Variants in NBAS observed in about 807,000 individuals in gnomAD.
The protein encoded by NBAS is NBAS subunit of NRZ tethering complex, also known as NAG/BC035112 fusion.
NBAS carries 219 observed loss-of-function variants against 302.5 expected under a neutral mutation model. That is an observed-to-expected ratio of 0.72 (90% CI 0.65 to 0.81). The LOEUF is 0.81. Ranked by LOEUF, NBAS falls within the 30% of genes least tolerant of loss-of-function variation. The pLI, the probability that NBAS is intolerant of heterozygous loss-of-function variation, is 0.00. For synonymous variants in NBAS, 1,118 were observed against 1,021.6 expected (o/e 1.09, Z -1.80); for missense variants, 2,932 against 2,841.6 (o/e 1.03, Z -0.72).
At chr2:14,848,117 G>A in the NBAS span, among the ~76,000 whole-genome samples, 2 of 151,742 alleles carry the variant, frequency 1.3e-5, no homozygotes, top group Non-Finnish European at 2.9e-5. Context: ...ACAGCTCCCA[G>A]CGTGAGCGAC....
At chr2:15,275,194 G>A (rs1669516342) in intron 44 of NBAS, among the ~76,000 whole-genome samples, 1 of 152,130 alleles carries the variant, frequency 6.6e-6, no homozygotes, top group Non-Finnish European at 1.5e-5. Flanking sequence ...CAACTGGAAA[G>A]AACAGAATGG....
At chr2:14,818,449 C>G in the NBAS span, among the ~76,000 whole-genome samples, 2 of 152,162 alleles carry the variant, frequency 1.3e-5, no homozygotes, top group African/African-American at 4.8e-5. Flanking sequence ...AACACAGATT[C>G]AAGGCAAATA....
the NBAS span, among the ~76,000 whole-genome samples, chr2:14,819,088 A>C: frequency 2.0e-5 from 3 of 152,150 alleles, no homozygotes; most frequent in African/African-American, 7.2e-5. Context: ...TCTTGCCCTG[A>C]GCTGATTGTT....
chr2:14,929,528 C>T, the NBAS span, among the ~76,000 whole-genome samples: 1 of 152,146 alleles, frequency 6.6e-6, no homozygotes, highest in South Asian at 2.1e-4. Context: ...CAGGCGTGCG[C>T]CACCACACCC....
At chr2:14,989,513 G>A in the NBAS span, among the ~76,000 whole-genome samples, 88 of 151,894 alleles carry the variant, frequency 5.8e-4, no homozygotes, top group East Asian at 2.1e-3. Flanking sequence ...AGCTGAGATC[G>A]CAGCACTGCA....
the NBAS span, among the ~76,000 whole-genome samples, chr2:14,856,945 C>A: frequency 6.6e-6 from 1 of 152,028 alleles, no homozygotes; most frequent in Non-Finnish European, 1.5e-5. Context: ...CACAAGAAAA[C>A]TATGAGAAAT....
At chr2:15,414,289 A>C (rs543506468) in intron 25 of NBAS, among the ~76,000 whole-genome samples, 1 of 152,318 alleles carries the variant, frequency 6.6e-6, no homozygotes, top group Admixed American at 6.5e-5. Flanking sequence ...ATCTTACCAG[A>C]CACTACTAAT....
rs372208799 is a variant in NBAS at position 15,402,140 on chromosome 2, A to G, written c.3071+28T>C. 51 of 1,612,624 alleles carry G rather than the reference A, an allele frequency of 3.2e-5. 1 individual carries two copies. The highest frequency in any genetic ancestry group is 2.0e-4 in the South Asian group (18 of 91,014). On this transcript the variant is annotated intron_variant, in intron 26 of 51. Coordinates refer to ENST00000281513, the MANE Select transcript of NBAS (RefSeq NM_015909.4). ...TTAACTGTTAGAATAAAAAAACACAATAAGACTGGCATACTGTGTATTCTT... is the reference window on the plus strand; with the variant it reads ...TTAACTGTTAGAATAAAAAAACACAGTAAGACTGGCATACTGTGTATTCTT...
At chr2:15,057,632 C>T in the NBAS span, among the ~76,000 whole-genome samples, 3 of 152,134 alleles carry the variant, frequency 2.0e-5, no homozygotes, top group African/African-American at 4.8e-5. Context: ...TATGCCTTTG[C>T]GTCCTCATAG....
chr2:15,383,810 C>G (rs547153189), intron 28 of NBAS, among the ~76,000 whole-genome samples: 12 of 152,234 alleles, frequency 7.9e-5, no homozygotes, highest in African/African-American at 2.4e-4. Flanking sequence ...GTCTGGGGGA[C>G]AAGAATCGCG....
At chr2:15,061,200 CTG>C in the NBAS span, among the ~76,000 whole-genome samples, 1 of 152,140 alleles carries the variant, frequency 6.6e-6, no homozygotes, top group Non-Finnish European at 1.5e-5. Flanking sequence ...ACGTGCTCAC[CTG>C]TGTGTGCACA....
the NBAS span, among the ~76,000 whole-genome samples, chr2:14,782,399 C>T: frequency 5.7e-4 from 87 of 152,094 alleles, 1 homozygote; most frequent in South Asian, 2.3e-3. Context: ...AAATCAAAAC[C>T]GCAATGAAAT....
intron 25 of NBAS, among the ~76,000 whole-genome samples, chr2:15,411,560 T>TA (rs1417217988): frequency 6.6e-6 from 1 of 152,210 alleles, no homozygotes; most frequent in Non-Finnish European, 1.5e-5. Flanking sequence ...CTAAATATTC[T>TA]ACAGTAAGCA....
At chr2:15,215,305 A>T (rs1666604338) in intron 48 of NBAS, among the ~76,000 whole-genome samples, 1 of 152,210 alleles carries the variant, frequency 6.6e-6, no homozygotes, top group South Asian at 2.1e-4. Context: ...TCCGAGAACC[A>T]GTGAGGTAGC....
intron 9 of NBAS, among the ~76,000 whole-genome samples, chr2:15,528,885 A>ATATGTGTG (rs1553333196): frequency 8.1e-6 from 1 of 123,212 alleles, no homozygotes; most frequent in African/African-American, 3.2e-5. Context: ...AAAAATATAT[A>ATATGTGTG]TATATATATA....
At position 15,475,831 on chromosome 2, in the gene NBAS, A is replaced by G. The variant is rs765353165; in HGVS notation, c.1197T>C (p.Ser399=). 1 of 1,614,088 alleles carries G rather than the reference A, an allele frequency of 6.2e-7. No individual in the cohort carries two copies. The highest frequency in any genetic ancestry group is 1.7e-5 in the Admixed American group (1 of 60,024). ...PLIDVNWWAD[S]AVTLARCSGA... ...CAGAGCATCGAGCTAAAGTCACTGC[A>G]CTGTCTGCCCACCAATTGACATCTA... The change falls in exon 14 of 52, where the codon AGT becomes AGC. Residue 399 remains serine (S), a synonymous_variant. Coordinates refer to ENST00000281513, the MANE Select transcript of NBAS (RefSeq NM_015909.4).
chr2:15,522,444 A>C (rs745422110), intron 9 of NBAS, among the ~76,000 whole-genome samples: 1 of 152,228 alleles, frequency 6.6e-6, no homozygotes, highest in Non-Finnish European at 1.5e-5. Flanking sequence ...ATGAACACAG[A>C]ATATAATAAG....
chr2:15,123,342 G>A, the NBAS span, among the ~76,000 whole-genome samples: 9 of 152,242 alleles, frequency 5.9e-5, no homozygotes, highest in South Asian at 2.1e-4. Context: ...AGAAGGGATC[G>A]GAGCTCGTCA....
chr2:14,817,717 G>T, the NBAS span, among the ~76,000 whole-genome samples: 1 of 152,042 alleles, frequency 6.6e-6, no homozygotes, highest in African/African-American at 2.4e-5. Context: ...CCTCTACAGA[G>T]AACTATTATT....
Sources: gnomAD v4.1 joint callset for allele counts (sites outside exome capture counted in the v4.1 genomes callset) on GRCh38, gnomAD v4.1.1 for gene constraint, MANE v1.5 for transcripts, NCBI Gene and HGNC (gene_info 2026-07-23, HGNC 2026-07-21) for gene names.